Variants in MOXD1 observed in about 807,000 individuals in gnomAD.
MOXD1 encodes DBH-like monooxygenase protein 1.
In MOXD1, 62 loss-of-function variants were observed where a neutral mutation model predicts 66.6. The ratio of observed to expected loss-of-function variants is 0.93; its 90% confidence interval spans 0.76 to 1.15. The LOEUF (loss-of-function observed/expected upper bound fraction) is 1.15. Among genes scored for constraint, MOXD1 ranks in the 50% most tolerant of loss-of-function variants. The probability of loss-of-function intolerance (pLI) is 0.00; values close to 1 mark genes in which losing one functional copy is unlikely to be tolerated. For missense variants in MOXD1, 847 were observed against 754.6 expected, an observed-to-expected ratio of 1.12 and a Z score of -1.44; for synonymous variants, 303 against 281.9, an observed-to-expected ratio of 1.07 and a Z score of -0.75.
chr6:132,324,198 T>C, intron 6 of MOXD1, 101 bp from the exon 7 acceptor site: 1 of 1,165,352 alleles, frequency 8.6e-7, no homozygotes, highest in Non-Finnish European at 1.2e-6. Context: ...TCATATTCTG[T>C]TGAAATAGGT....
intron 8 of MOXD1, among the ~76,000 whole-genome samples, chr6:132,321,238 G>A (rs546762297): frequency 1.3e-5 from 2 of 150,998 alleles, no homozygotes; most frequent in Non-Finnish European, 2.9e-5. Flanking sequence ...TACTCCAGCC[G>A]GGGTGACAGA....
intron 1 of MOXD1, among the ~76,000 whole-genome samples, chr6:132,376,246 G>A (rs1764198421): frequency 1.3e-5 from 2 of 152,076 alleles, no homozygotes; most frequent in Admixed American, 1.3e-4. Flanking sequence ...TGTATTTGAA[G>A]AATTTATAGC....
intron 1 of MOXD1, among the ~76,000 whole-genome samples, chr6:132,386,787 C>T (rs919431648): frequency 6.6e-6 from 1 of 151,438 alleles, no homozygotes. Flanking sequence ...CACAATCTTA[C>T]AAGGCAATCT....
At chr6:132,301,556 T>C (rs1052656444) in intron 10 of MOXD1, among the ~76,000 whole-genome samples, 3 of 152,086 alleles carry the variant, frequency 2.0e-5, no homozygotes, top group African/African-American at 7.2e-5. Flanking sequence ...TTTTAAAAGT[T>C]TTATTGCTAA....
At chr6:132,307,219 C>T (rs604350) in intron 10 of MOXD1, among the ~76,000 whole-genome samples, 1 of 151,892 alleles carries the variant, frequency 6.6e-6, no homozygotes, top group African/African-American at 2.4e-5. Context: ...GGTTGCAATC[C>T]TAGTCTCTGA....
intron 6 of MOXD1, among the ~76,000 whole-genome samples, chr6:132,327,749 G>C (rs1247304909): frequency 6.6e-6 from 1 of 152,142 alleles, no homozygotes; most frequent in Non-Finnish European, 1.5e-5. Flanking sequence ...CTTCCTGGTA[G>C]GTAGCATGCA....
At chr6:132,301,051 A>C (rs532543999) in intron 10 of MOXD1, among the ~76,000 whole-genome samples, 51 of 152,252 alleles carry the variant, frequency 3.3e-4, no homozygotes, top group Non-Finnish European at 6.0e-4. Context: ...AAACCAGGTA[A>C]CCTTAAAGTA....
At chr6:132,398,936 A>ACC (rs1554239403) in intron 1 of MOXD1, among the ~76,000 whole-genome samples, 1 of 55,322 alleles carries the variant, frequency 1.8e-5, no homozygotes, top group South Asian at 4.9e-4. Flanking sequence ...AGACTTTGTC[A>ACC]AAAAAAAAAA....
intron 10 of MOXD1, among the ~76,000 whole-genome samples, chr6:132,302,984 T>C (rs1488624049): frequency 6.6e-6 from 1 of 152,086 alleles, no homozygotes; most frequent in African/African-American, 2.4e-5. Context: ...CACAACTTGA[T>C]ATCTATATGA....
At chr6:132,326,794 A>ATTACCT (rs1775197180) in intron 6 of MOXD1, among the ~76,000 whole-genome samples, 3 of 152,190 alleles carry the variant, frequency 2.0e-5, no homozygotes, top group Admixed American at 6.5e-5. Flanking sequence ...CTTTAGGGTA[A>ATTACCT]AAAAAGATAC....
chr6:132,396,391 C>G (rs9493302), intron 1 of MOXD1, among the ~76,000 whole-genome samples: 61,503 of 151,660 alleles, frequency 0.41, 12,938 homozygotes, highest in African/African-American at 0.5. Context: ...GCAGTGCTAA[C>G]AGGAAAGTTT....
intron 4 of MOXD1, among the ~76,000 whole-genome samples, chr6:132,371,534 A>G (rs1225142777): frequency 6.6e-6 from 1 of 152,196 alleles, no homozygotes; most frequent in Non-Finnish European, 1.5e-5. Flanking sequence ...ATTAGAAATT[A>G]ACAAATTTTA....
At chr6:132,308,643 C>A (rs1225045112) in intron 10 of MOXD1, among the ~76,000 whole-genome samples, 1 of 152,152 alleles carries the variant, frequency 6.6e-6, no homozygotes, top group Non-Finnish European at 1.5e-5. Context: ...CAAACCAAAT[C>A]CAGCAGCACA....
rs181425639 is a variant in MOXD1, at chr6:132,368,531, G to A, written c.663+4077C>T. 4.0e-3 allele frequency among the ~76,000 whole-genome samples: 602 copies of A among 152,018 alleles called. 3 individuals are homozygous for A. The highest frequency in any genetic ancestry group is 0.034 in the Middle Eastern group (10 of 294). On this transcript the variant is annotated intron_variant, in intron 4 of 11. Coordinates refer to ENST00000367963, the MANE Select transcript of MOXD1 (RefSeq NM_015529.4). ...AAATCAATAAATTGAGATCACAAAC[G>A]AGTTTCAACAGCCAATAATTGTATT...
chr6:132,303,829 GTGTGTGTATATATATATA>G (rs1562276351), intron 10 of MOXD1, among the ~76,000 whole-genome samples: 40 of 70,614 alleles, frequency 5.7e-4, no homozygotes, highest in African/African-American at 1.4e-3. Context: ...GTGTGTGTGT[GTGTGTGTATATATATATA>G]TATATATATA....
At chr6:132,396,169 A>G (rs562916180) in intron 1 of MOXD1, among the ~76,000 whole-genome samples, 25 of 152,344 alleles carry the variant, frequency 1.6e-4, no homozygotes, top group African/African-American at 4.8e-4. Context: ...AAATTTTAAA[A>G]AATCGAAATC....
chr6:132,359,044 C>T (rs1002438844), intron 4 of MOXD1, among the ~76,000 whole-genome samples: 5 of 152,066 alleles, frequency 3.3e-5, no homozygotes, highest in Non-Finnish European at 7.4e-5. Context: ...TGTGAAGTCA[C>T]TGGCTCTAGG....
rs151107293 is a variant in MOXD1 at position 132,357,748 on chromosome 6, T to C, written c.663+14860A>G. ...TAGTTAAGAGATGATAAAATGGAGA[T>C]ATAAATCTTAGGTGTATTTTTTGCT... On this transcript the variant is annotated intron_variant, in intron 4 of 11. Coordinates refer to ENST00000367963, the MANE Select transcript of MOXD1 (RefSeq NM_015529.4). Among the ~76,000 whole-genome samples the C allele has an allele frequency of 9.2e-4, 140 of 152,232 alleles. 1 individual carries two copies. Among genetic ancestry groups the C allele is most frequent in the African/African-American group, 3.1e-3 (127 of 41,582 alleles).
chr6:132,307,726 A>G (rs953295564), intron 10 of MOXD1, among the ~76,000 whole-genome samples: 2 of 152,186 alleles, frequency 1.3e-5, no homozygotes, highest in African/African-American at 4.8e-5. Context: ...CTCACTCAAA[A>G]CCATACAATT....
Sources: gnomAD v4.1 joint callset for allele counts (sites outside exome capture counted in the v4.1 genomes callset) on GRCh38, gnomAD v4.1.1 for gene constraint, MANE v1.5 for transcripts, NCBI Gene and HGNC (gene_info 2026-07-23, HGNC 2026-07-21) for gene names.